The following CNBD1 variants were observed in gnomAD, a reference collection of about 807,000 sequenced individuals.
The protein encoded by CNBD1 is cyclic nucleotide binding domain containing 1.
CNBD1 carries 71 observed loss-of-function variants against 54.4 expected under a neutral mutation model. The observed-to-expected ratio is 1.30, with a 90% confidence interval of 1.08 to 1.59. The LOEUF is 1.59. Ranked by LOEUF, CNBD1 falls within the 40% of genes most tolerant of loss-of-function variation. CNBD1 has a pLI of 0.00. For missense variants in CNBD1, 659 were observed against 518.0 expected, an observed-to-expected ratio of 1.27 and a Z score of -2.64; for synonymous variants, 182 against 170.7, an observed-to-expected ratio of 1.07 and a Z score of -0.51.
intron 2 of CNBD1, among the ~76,000 whole-genome samples, chr8:87,420,103 C>T (rs778766871): frequency 5.3e-5 from 8 of 151,482 alleles, no homozygotes; most frequent in Non-Finnish European, 8.8e-5. Flanking sequence ...TATACCTTAC[C>T]ACATTTACAG....
intron 8 of CNBD1, among the ~76,000 whole-genome samples, chr8:87,317,318 C>T (rs1018923274): frequency 6.6e-6 from 1 of 151,454 alleles, no homozygotes; most frequent in Non-Finnish European, 1.5e-5. Context: ...CTAAGCTAGC[C>T]ATTTAATGCT....
intron 4 of CNBD1, among the ~76,000 whole-genome samples, chr8:87,104,159 A>C (rs1486176094): frequency 6.6e-6 from 1 of 152,236 alleles, no homozygotes; most frequent in Non-Finnish European, 1.5e-5. Flanking sequence ...GTTGAAAGGT[A>C]AAAACAGAAA....
chr8:87,368,217 G>A (rs954105297), intron 10 of CNBD1, among the ~76,000 whole-genome samples: 3 of 145,716 alleles, frequency 2.1e-5, no homozygotes, highest in Non-Finnish European at 4.6e-5. Context: ...TTTTGGTTGG[G>A]TGATTTGGGA....
At chr8:87,388,790 C>T (rs892179994) in intron 2 of CNBD1, among the ~76,000 whole-genome samples, 2 of 152,112 alleles carry the variant, frequency 1.3e-5, no homozygotes, top group African/African-American at 4.8e-5. Context: ...CGGGCAGAGA[C>T]ACAACAAAAA....
At position 86,963,131 on chromosome 8, in the gene CNBD1, C is replaced by A. The variant is rs149339057; in HGVS notation, c.431+23377C>A. Among the ~76,000 whole-genome samples the A allele has an allele frequency of 2.6e-4, 39 of 152,216 alleles. No homozygotes were observed. In the East Asian group the frequency reaches 7.2e-3, roughly 28 times the overall value. ...AAGGCATCCCTCTTAATTATTTCGA[C>A]CTTATATCCCTGAGTTCCGGTGACC... On this transcript the variant is annotated intron_variant, in intron 4 of 10. Transcript: ENST00000518476.
chr8:86,945,282 A>G (rs898163083), intron 4 of CNBD1, among the ~76,000 whole-genome samples: 1 of 152,056 alleles, frequency 6.6e-6, no homozygotes, highest in Non-Finnish European at 1.5e-5. Flanking sequence ...TTTTTCTTCT[A>G]CTTTCTCCAA....
intron 3 of CNBD1, among the ~76,000 whole-genome samples, chr8:86,934,009 A>G (rs1809502187): frequency 6.6e-6 from 1 of 152,300 alleles, no homozygotes; most frequent in Non-Finnish European, 1.5e-5. Flanking sequence ...TTGATAGGAT[A>G]AAAACATTTT....
intron 4 of CNBD1, among the ~76,000 whole-genome samples, chr8:87,128,039 A>G (rs1003463879): frequency 6.6e-6 from 1 of 152,142 alleles, no homozygotes; most frequent in African/African-American, 2.4e-5. Context: ...GAGTGTCTGA[A>G]TGTCGAGAGG....
At chr8:86,908,903 A>T (rs7016663) in intron 3 of CNBD1, among the ~76,000 whole-genome samples, 1 of 151,186 alleles carries the variant, frequency 6.6e-6, no homozygotes, top group African/African-American at 2.4e-5. Flanking sequence ...GACTACAGGC[A>T]CCCGCCACTA....
intron 4 of CNBD1, among the ~76,000 whole-genome samples, chr8:87,046,119 A>G (rs1326463083): frequency 6.7e-6 from 1 of 149,886 alleles, no homozygotes; most frequent in Non-Finnish European, 1.5e-5. Flanking sequence ...GGGCTCATCT[A>G]TTTTGCATTA....
intron 4 of CNBD1, among the ~76,000 whole-genome samples, chr8:87,145,532 G>A (rs1586288097): frequency 6.6e-6 from 1 of 152,010 alleles, no homozygotes; most frequent in Admixed American, 6.6e-5. Context: ...ATAAAATACT[G>A]TTTGTATAAA....
intron 2 of CNBD1, among the ~76,000 whole-genome samples, chr8:87,422,249 C>G (rs1356677333): frequency 4.1e-5 from 6 of 144,872 alleles, no homozygotes; most frequent in African/African-American, 1.6e-4. Flanking sequence ...ATGGTAGTTT[C>G]TTTTGCTGTG....
intron 2 of CNBD1, among the ~76,000 whole-genome samples, chr8:87,400,575 G>A (rs1381319153): frequency 4.0e-5 from 6 of 151,824 alleles, no homozygotes; most frequent in Non-Finnish European, 8.8e-5. Flanking sequence ...AGGACACAAG[G>A]AACTAACAAA....
At chr8:86,898,515 C>T (rs1191408613) in intron 2 of CNBD1, among the ~76,000 whole-genome samples, 3 of 151,910 alleles carry the variant, frequency 2.0e-5, no homozygotes, top group Non-Finnish European at 4.4e-5. Flanking sequence ...ATGAATAGAC[C>T]CACACAAATA....
At chr8:87,401,883 G>A (rs1586080446) in intron 2 of CNBD1, among the ~76,000 whole-genome samples, 2 of 152,050 alleles carry the variant, frequency 1.3e-5, no homozygotes, top group South Asian at 4.1e-4. Flanking sequence ...AATGATATAA[G>A]GGCCCTCTCT....
intron 4 of CNBD1, among the ~76,000 whole-genome samples, chr8:87,188,258 A>G (rs902615941): frequency 6.6e-6 from 1 of 152,130 alleles, no homozygotes; most frequent in African/African-American, 2.4e-5. Context: ...TCCATGACAC[A>G]TAGTACTCTG....
chr8:87,397,215 A>C (rs936336446), intron 2 of CNBD1, among the ~76,000 whole-genome samples: 3 of 151,764 alleles, frequency 2.0e-5, no homozygotes, highest in African/African-American at 7.3e-5. Flanking sequence ...AAGTTTATTT[A>C]CACTGGAATT....
chr8:86,929,236 G>T (rs1000364954), intron 3 of CNBD1, among the ~76,000 whole-genome samples: 3 of 152,140 alleles, frequency 2.0e-5, no homozygotes, highest in Admixed American at 6.5e-5. Flanking sequence ...TATTTAATGG[G>T]GGTTCCCTCA....
intron 4 of CNBD1, among the ~76,000 whole-genome samples, chr8:87,204,225 C>T (rs926030855): frequency 1.3e-5 from 2 of 152,112 alleles, no homozygotes; most frequent in African/African-American, 4.8e-5. Context: ...TATTTGTTTT[C>T]AGTATCTTCT....
Sources: allele counts gnomAD v4.1 joint callset (sites outside exome capture counted in the v4.1 genomes callset), GRCh38; gene constraint gnomAD v4.1.1; transcripts MANE v1.5; gene names NCBI Gene and HGNC (gene_info 2026-07-23, HGNC 2026-07-21).